TESK2: variants seen among roughly 807,000 people sequenced by gnomAD.
The protein encoded by TESK2 is testis associated actin remodelling kinase 2, also known as dual specificity testis-specific protein kinase 2.
Under a neutral mutation model 57.1 loss-of-function variants are expected in TESK2, and 39 were observed. That is an observed-to-expected ratio of 0.68 (90% CI 0.53 to 0.89). The LOEUF (loss-of-function observed/expected upper bound fraction) is 0.89, where lower values mean the gene tolerates loss of function less well. Ranked by LOEUF, TESK2 falls within the 40% of genes least tolerant of loss-of-function variation. The pLI is 0.00. For missense variants in TESK2, 646 were observed against 732.1 expected (o/e 0.88, Z 1.36); for synonymous variants, 249 against 267.9 (o/e 0.93, Z 0.69).
At chr1:45,383,901 T>C (rs1648757751) in intron 4 of TESK2, among the ~76,000 whole-genome samples, 1 of 152,190 alleles carries the variant, frequency 6.6e-6, no homozygotes, top group Admixed American at 6.5e-5. Flanking sequence ...AGTGGTACTT[T>C]TCATATGTAT....
chr1:45,377,986 A>G (rs1230222426), intron 4 of TESK2, among the ~76,000 whole-genome samples: 1 of 151,940 alleles, frequency 6.6e-6, no homozygotes, highest in Non-Finnish European at 1.5e-5. Flanking sequence ...AGATGGTGCC[A>G]CTGCACTCCA....
At chr1:45,473,788 C>A (rs1166004891) in intron 1 of TESK2, among the ~76,000 whole-genome samples, 1 of 149,130 alleles carries the variant, frequency 6.7e-6, no homozygotes, top group Non-Finnish European at 1.5e-5. Context: ...CTATAAAAGA[C>A]AATTAGGGAT....
chr1:45,473,614 A>T (rs980038534), intron 1 of TESK2, among the ~76,000 whole-genome samples: 7 of 152,200 alleles, frequency 4.6e-5, no homozygotes, highest in Admixed American at 1.3e-4. Context: ...ATTATTGCAA[A>T]GTTCTGGTTG....
intron 5 of TESK2, among the ~76,000 whole-genome samples, chr1:45,349,639 A>T (rs1647204487): frequency 6.6e-6 from 1 of 152,216 alleles, no homozygotes. Flanking sequence ...CAGCCCAGGC[A>T]CTGTTGCTGC....
In TESK2 at chr1:45,355,431, G is replaced by C; in HGVS notation, c.412C>G (p.Leu138Val). ...AGGTTACTGTCTAGCAACTGTTCCA[G>C]GTTCCCGGAGTTGATATACTGCAAA... ...ALTEYINSGN[L>V]EQLLDSNLHL... Residue 138 changes from leucine (L) to valine (V), a missense_variant, in exon 5 of 11, where the codon CTG becomes GTG. Physicochemically the swap from Leu to Val is conservative, Grantham distance 32. Coordinates refer to ENST00000372086, the MANE Select transcript of TESK2 (RefSeq NM_007170.3). 6.2e-7 allele frequency: 1 copy of C among 1,609,510 alleles called. No homozygotes were observed. Among genetic ancestry groups the C allele is most frequent in the South Asian group, 1.1e-5 (1 of 89,832 alleles).
intron 2 of TESK2, among the ~76,000 whole-genome samples, chr1:45,425,407 C>T (rs575717641): frequency 9.5e-4 from 144 of 152,316 alleles, no homozygotes; most frequent in African/African-American, 3.3e-3. Flanking sequence ...AATCCCAATA[C>T]TTTGGGAGGC....
chr1:45,430,010 TGAA>T (rs1445563863), intron 2 of TESK2, among the ~76,000 whole-genome samples: 2 of 152,136 alleles, frequency 1.3e-5, no homozygotes, highest in Non-Finnish European at 2.9e-5. Flanking sequence ...TTTTAGGAAA[TGAA>T]GAGTTGCTGG....
At chr1:45,448,280 G>T (rs1449275807) in intron 2 of TESK2, among the ~76,000 whole-genome samples, 1 of 149,508 alleles carries the variant, frequency 6.7e-6, no homozygotes, top group African/African-American at 2.5e-5. Flanking sequence ...AAAACAACCT[G>T]ATTAAAAAAT....
chr1:45,404,168 T>C (rs1156348380), intron 3 of TESK2, among the ~76,000 whole-genome samples: 1 of 152,190 alleles, frequency 6.6e-6, no homozygotes, highest in African/African-American at 2.4e-5. Context: ...GAAACAATAC[T>C]CTCACAATGA....
At chr1:45,430,946 T>C (rs1296233338) in intron 2 of TESK2, among the ~76,000 whole-genome samples, 1 of 152,202 alleles carries the variant, frequency 6.6e-6, no homozygotes, top group Non-Finnish European at 1.5e-5. Context: ...TCCAGTGACT[T>C]ACACTTCCTG....
intron 2 of TESK2, among the ~76,000 whole-genome samples, chr1:45,431,930 G>A (rs562067381): frequency 3.5e-4 from 53 of 152,124 alleles, no homozygotes; most frequent in African/African-American, 1.3e-3. Context: ...AGCCTAGCAT[G>A]GAAAGCAAGA....
At position 45,345,136 on chromosome 1, in the gene TESK2, G is replaced by C; in HGVS notation, c.1420C>G (p.Arg474Gly). Reference sequence around the variant, plus strand: ...GGCCCATCAGATAGCGATTCTTCCCGGCCCACAAATGGACAAGCCTCTTGA... The same window carrying C: ...GGCCCATCAGATAGCGATTCTTCCCCGCCCACAAATGGACAAGCCTCTTGA... Reference protein sequence around the residue: ...LHQEACPFVGREESLSDGPPP... With the variant: ...LHQEACPFVGGEESLSDGPPP... Residue 474 changes from arginine to glycine, a missense_variant, in exon 11 of 11, where the codon CGG becomes GGG. Arg to Gly is a moderately radical substitution (Grantham distance 125). Coordinates refer to ENST00000372086, the MANE Select transcript of TESK2 (RefSeq NM_007170.3). 6.2e-7 allele frequency: 1 copy of C among 1,614,122 alleles called. No individual in the cohort carries two copies. Among genetic ancestry groups the C allele is most frequent in the Non-Finnish European group, 8.5e-7 (1 of 1,180,034 alleles).
At chr1:45,363,676 T>C (rs1425516239) in intron 4 of TESK2, among the ~76,000 whole-genome samples, 1 of 152,066 alleles carries the variant, frequency 6.6e-6, no homozygotes, top group Non-Finnish European at 1.5e-5. Flanking sequence ...AGACAGTCTA[T>C]GCAAAAGGAA....
chr1:45,379,077 A>G (rs1306172393), intron 4 of TESK2, among the ~76,000 whole-genome samples: 3 of 152,180 alleles, frequency 2.0e-5, no homozygotes, highest in Non-Finnish European at 4.4e-5. Flanking sequence ...TCTGTACTGA[A>G]ACACACAAAA....
chr1:45,395,675 C>T (rs897443721), intron 3 of TESK2, among the ~76,000 whole-genome samples: 3 of 149,998 alleles, frequency 2.0e-5, no homozygotes, highest in African/African-American at 7.4e-5. Context: ...GTTGCAATTA[C>T]AGCTCACTGC....
intron 1 of TESK2, among the ~76,000 whole-genome samples, chr1:45,479,719 C>T (rs1653133903): frequency 6.6e-6 from 1 of 151,478 alleles, no homozygotes; most frequent in Non-Finnish European, 1.5e-5. Context: ...TTACAGTTTA[C>T]AGTTCACAGA....
intron 4 of TESK2, among the ~76,000 whole-genome samples, 198 bp from the exon 5 acceptor site, chr1:45,355,647 G>A (rs1377204200): frequency 1.3e-5 from 2 of 152,056 alleles, no homozygotes. Flanking sequence ...AATCTATTAA[G>A]GGACATAGTC....
In TESK2 at chr1:45,395,367, C is replaced by A. The variant is rs74227012; in HGVS notation, c.345-9407G>T. Among the ~76,000 whole-genome samples, 100 of 152,192 alleles carry A rather than the reference C, an allele frequency of 6.6e-4. No individual in the cohort carries two copies. The East Asian group carries it at 0.014, about 21-fold the overall frequency. ...TACTGAATACTGTAGACAACTGCAA[C>A]AAAATGGTAAGTTTTGTGTATCTTA... On this transcript the variant is annotated intron_variant, in intron 3 of 10. Transcript: ENST00000372086.
At chr1:45,475,719 C>T (rs1471960190) in intron 1 of TESK2, among the ~76,000 whole-genome samples, 3 of 151,870 alleles carry the variant, frequency 2.0e-5, no homozygotes, top group African/African-American at 4.8e-5. Context: ...GTGGAGTGGA[C>T]GAGGAAGACC....
Sources: allele counts gnomAD v4.1 joint callset (sites outside exome capture counted in the v4.1 genomes callset), GRCh38; gene constraint gnomAD v4.1.1; transcripts MANE v1.5; gene names NCBI Gene and HGNC (gene_info 2026-07-23, HGNC 2026-07-21).